Variants in LHX6 observed in about 807,000 individuals in gnomAD.
LHX6 encodes LIM/homeobox protein Lhx6.
In LHX6, 15 loss-of-function variants were observed where a neutral mutation model predicts 47.1. That is an observed-to-expected ratio of 0.32 (90% CI 0.21 to 0.49). The LOEUF is 0.49. Among genes scored for constraint, LHX6 ranks in the 20% least tolerant of loss-of-function variants. The pLI is 0.99. For missense variants in LHX6, 404 were observed against 539.6 expected (o/e 0.75, Z 2.49); for synonymous variants, 242 against 233.5 (o/e 1.04, Z -0.33).
At position 122,213,966 on chromosome 9, in the gene LHX6, CG is replaced by C. The variant is rs1564436860; in HGVS notation, c.879+7del. The C allele has an allele frequency of 6.3e-7, 1 of 1,580,130 alleles. No homozygotes were observed. Among genetic ancestry groups the C allele is most frequent in the East Asian group, 2.2e-5 (1 of 44,712 alleles). On this transcript the variant is annotated splice_region_variant and intron_variant, in intron 7 of 9. Coordinates refer to ENST00000394319, the MANE Select transcript of LHX6 (RefSeq NM_014368.5). This position sits in a 1 kb window ranked among gnomAD's most constrained non-coding sequence, Gnocchi z 5.5. ...GCGGTCCCCAGGCCCCGCCCACCCC[CG>C]TCCCACCTGGATGACTCTCCGGCTG... is the stretch of plus-strand genomic sequence containing the variant.
rs962039822 is a variant in LHX6, at chr9:122,226,972, G to C, written c.215C>G (p.Ser72Cys). ...GALDKDEGQASPCTPSTPSVC... is the reference protein window; with the variant it reads ...GALDKDEGQACPCTPSTPSVC... ...AGATGGCGTGCTGGGCGTACATGGGGAGGCCTGACCCTCGTCCTTGTCCAG... is the reference window on the plus strand; with the variant it reads ...AGATGGCGTGCTGGGCGTACATGGGCAGGCCTGACCCTCGTCCTTGTCCAG... The change falls in exon 3 of 10, where the codon TCC (serine) becomes TGC (cysteine). Residue 72 changes from serine to cysteine, a missense_variant. This residue lies in a region of LHX6 where 144 missense variants were observed against 128.7 expected (regional missense o/e 1.12). Coordinates refer to ENST00000394319, the MANE Select transcript of LHX6 (RefSeq NM_014368.5). This position sits in a 1 kb window ranked among gnomAD's most constrained non-coding sequence, Gnocchi z 6.5. The C allele has an allele frequency of 2.6e-6, 4 of 1,550,608 alleles. No homozygotes were observed. The African/African-American group carries it at 4.1e-5, about 16-fold the overall frequency.
chr9:122,227,952 A>AGGGGGGCCCCCCCCCCCC, intron 1 of LHX6: 1 of 131,682 alleles, frequency 7.6e-6, no homozygotes, highest in Non-Finnish European at 1.6e-5. Flanking sequence ...TTCTCTCTCC[A>AGGGGGGCCCCCCCCCCCC]CCCGCCCCCC....
In LHX6 at chr9:122,226,744, G is replaced by T; in HGVS notation, c.339+104C>A. The stretch of plus-strand genomic sequence containing the variant: ...AAAGCTTCGCAGTCGGGCAGCAGTG[G>T]AGCCAGGATTTGGAAGTAAGAGGAC... On this transcript the variant is annotated intron_variant, in intron 3 of 9. Transcript: ENST00000394319. This position sits in a 1 kb window ranked among gnomAD's most constrained non-coding sequence, Gnocchi z 6.5. The T allele has an allele frequency of 1.5e-6, 2 of 1,360,932 alleles. No individual in the cohort carries two copies. The highest frequency in any genetic ancestry group is 9.9e-7 in the Non-Finnish European group (1 of 1,009,450). The allele number at this position is 1,360,932 out of a possible 1,614,324, so 84.3% of individuals were successfully genotyped here. A position where few individuals can be genotyped will look rare whatever the true frequency, so the allele number is the denominator to read the frequency against.
intron 8 of LHX6, 75 bp from the exon 9 acceptor site, chr9:122,209,792 A>G: frequency 1.5e-6 from 1 of 661,082 alleles, no homozygotes; most frequent in East Asian, 2.7e-5. Flanking sequence ...TGCTCTCTAC[A>G]GACTGGAGCC....
intron 1 of LHX6, 61 bp from the exon 2 acceptor site, chr9:122,227,541 T>C: frequency 4.0e-6 from 6 of 1,485,962 alleles, no homozygotes; most frequent in South Asian, 3.8e-5. Flanking sequence ...CCGCACAGCC[T>C]GAGCCCAGCG....
Position 122,209,622 on chromosome 9 carries a change from C to T in LHX6, c.1150G>A (p.Gly384Ser), listed in dbSNP as rs1306790045. Residue 384 changes from glycine (G) to serine (S), a missense_variant, in exon 9 of 10, where the codon GGT (glycine) becomes AGT (serine). Physicochemically the swap from Gly to Ser is moderately conservative, Grantham distance 56. Around this residue, in one of 7 missense-constraint regions of LHX6, gnomAD observed 127 missense variants for 116.1 expected, o/e 1.09. Coordinates refer to ENST00000394319, the MANE Select transcript of LHX6 (RefSeq NM_014368.5). ...ADMDGPLSNR[G>S]EKVILFQY ...AACCTGGCTCCATTTACCTTCTCACCCCGGTTGGAGAGCGGCCCATCCATA... is the reference window on the plus strand; with the variant it reads ...AACCTGGCTCCATTTACCTTCTCACTCCGGTTGGAGAGCGGCCCATCCATA... 2 of 1,610,858 alleles carry T rather than the reference C, an allele frequency of 1.2e-6. No individual in the cohort carries two copies. The highest frequency in any genetic ancestry group is 1.7e-6 in the Non-Finnish European group (2 of 1,177,052).
chr9:122,204,880 G>T, intron 9 of LHX6, 100 bp from the exon 10 acceptor site: 1 of 763,250 alleles, frequency 1.3e-6, no homozygotes, highest in South Asian at 2.5e-5. Context: ...GGTGGACTCA[G>T]GGCCCAGATC....
At position 122,217,044 on chromosome 9, in the gene LHX6, T is replaced by C; in HGVS notation, c.682+24A>G. 6.2e-7 allele frequency: 1 copy of C among 1,601,686 alleles called. No individual in the cohort carries two copies. Among genetic ancestry groups the C allele is most frequent in the East Asian group, 2.2e-5 (1 of 44,722 alleles). On this transcript the variant is annotated intron_variant, in intron 5 of 9. Coordinates refer to ENST00000394319, the MANE Select transcript of LHX6 (RefSeq NM_014368.5). This position sits in a 1 kb window ranked among gnomAD's most constrained non-coding sequence, Gnocchi z 4.9. Reference sequence around the variant, plus strand: ...GGTGGGAAAGGGCTGGGGGCAGAGGTGCCAGGCGGAGCAGGTTGGGTACCG... The same window carrying C: ...GGTGGGAAAGGGCTGGGGGCAGAGGCGCCAGGCGGAGCAGGTTGGGTACCG...
chr9:122,209,659 G>A lies in LHX6; in HGVS notation c.1113C>T (p.His371=), dbSNP rs777566727. 3 of 1,409,062 alleles carry A rather than the reference G, an allele frequency of 2.1e-6. No individual in the cohort carries two copies. The highest frequency in any genetic ancestry group is 1.1e-5 in the South Asian group (1 of 87,172). 87.3% of individuals were successfully genotyped at this position (1,409,062 alleles called of 1,614,324 possible). ...CRLPYTAPPV[H]LKADMDGPLS... is the part of the protein sequence containing the mutation. ...GCGGCCCATCCATATCGGCTTTGAG[G>A]TGGACGGGGGGTGCGGTGTAAGGCA... The change falls in exon 9 of 10, where the codon CAC becomes CAT. Residue 371 remains histidine (H), a synonymous_variant. Transcript: ENST00000394319.
chr9:122,209,060 C>A (rs1225749016), intron 9 of LHX6, among the ~76,000 whole-genome samples: 1 of 152,176 alleles, frequency 6.6e-6, no homozygotes, highest in Admixed American at 6.5e-5. Context: ...CAAGTTTAAA[C>A]AAAGGGTTGC....
At chr9:122,224,025 A>G (rs139107088) in intron 4 of LHX6, among the ~76,000 whole-genome samples, 45 of 151,792 alleles carry the variant, frequency 3.0e-4, no homozygotes, top group Admixed American at 1.6e-3. Flanking sequence ...GTTTTTTTGT[A>G]TGTTTGTTTG....
chr9:122,215,279 A>G (rs1830554375), intron 5 of LHX6, among the ~76,000 whole-genome samples: 1 of 152,274 alleles, frequency 6.6e-6, no homozygotes, highest in South Asian at 2.1e-4. Context: ...CTGAGAAGAT[A>G]CACATTAAAA....
chr9:122,214,686 C>G lies in LHX6; in HGVS notation c.683-303G>C, dbSNP rs558278625. Among the ~76,000 whole-genome samples, 7 of 152,234 alleles carry G rather than the reference C, an allele frequency of 4.6e-5. No homozygotes were observed. In the South Asian group the frequency reaches 1.5e-3, roughly 32 times the overall value. Reference sequence around the variant, plus strand: ...GAGAGAAGGAAAGCCCCTGCCCTGGCCCTTTCAACTAGAATCCGAAAGCTA... The same window carrying G: ...GAGAGAAGGAAAGCCCCTGCCCTGGGCCTTTCAACTAGAATCCGAAAGCTA... On this transcript the variant is annotated intron_variant, in intron 5 of 9. Transcript: ENST00000394319. This position sits in a 1 kb window ranked among gnomAD's most constrained non-coding sequence, Gnocchi z 4.6.
chr9:122,223,596 C>A (rs1283479417), intron 4 of LHX6, among the ~76,000 whole-genome samples: 2 of 152,156 alleles, frequency 1.3e-5, no homozygotes, highest in Non-Finnish European at 2.9e-5. Context: ...CCGAGAGAAG[C>A]AGCAACTTGC....
chr9:122,209,621 C>A lies in LHX6; in HGVS notation c.1151G>T (p.Gly384Val). Reference sequence around the variant, plus strand: ...CAACCTGGCTCCATTTACCTTCTCACCCCGGTTGGAGAGCGGCCCATCCAT... The same window carrying A: ...CAACCTGGCTCCATTTACCTTCTCAACCCGGTTGGAGAGCGGCCCATCCAT... ...ADMDGPLSNR[G>V]EKVILFQY The change falls in exon 9 of 10, where the codon GGT (glycine) becomes GTT (valine). Residue 384 changes from glycine (G) to valine (V), a missense_variant. By Grantham distance (109) the Gly-to-Val change is moderately radical. Transcript: ENST00000394319. The A allele has an allele frequency of 6.2e-7, 1 of 1,611,028 alleles. No individual in the cohort carries two copies. The highest frequency in any genetic ancestry group is 8.5e-7 in the Non-Finnish European group (1 of 1,177,186).
chr9:122,221,570 C>G, intron 4 of LHX6: 1 of 985,730 alleles, frequency 1.0e-6, no homozygotes, highest in Non-Finnish European at 1.2e-6. Flanking sequence ...TGAACCCCCA[C>G]CCCCATAAAC....
At chr9:122,221,700 C>G in intron 4 of LHX6, 11 of 985,484 alleles carry the variant, frequency 1.1e-5, no homozygotes, top group Non-Finnish European at 1.3e-5. Flanking sequence ...TGAGGTCACT[C>G]CTGCCTAAGT....
chr9:122,227,349 G>T, intron 2 of LHX6, 60 bp downstream of exon 2: 1 of 1,416,690 alleles, frequency 7.1e-7, no homozygotes, highest in South Asian at 1.4e-5. Flanking sequence ...AACCTGGCCA[G>T]GTCCCCAGGG....
intron 5 of LHX6, among the ~76,000 whole-genome samples, chr9:122,216,610 G>C (rs149670164): frequency 6.6e-6 from 1 of 152,178 alleles, no homozygotes; most frequent in Non-Finnish European, 1.5e-5. Flanking sequence ...GAGCTGCTAG[G>C]ATAGGAAATG....
Sources: gnomAD v4.1 joint callset for allele counts (sites outside exome capture counted in the v4.1 genomes callset) on GRCh38, gnomAD v4.1.1 for gene constraint, gnomAD v4.1.1 regional missense constraint, Gnocchi (gnomAD v3.1) non-coding constraint, MANE v1.5 for transcripts, NCBI Gene and HGNC (gene_info 2026-07-23, HGNC 2026-07-21) for gene names.